The following GATAD2B variants were observed in gnomAD, a reference collection of about 807,000 sequenced individuals.
The protein encoded by GATAD2B is GATA zinc finger domain containing 2B.
In GATAD2B, 8 loss-of-function variants were observed where a neutral mutation model predicts 64.3. The observed-to-expected ratio is 0.12, with a 90% CI of 0.07 to 0.22. The LOEUF (loss-of-function observed/expected upper bound fraction) is 0.22, where lower values mean the gene tolerates loss of function less well. Among genes scored for constraint, GATAD2B ranks in the 10% least tolerant of loss-of-function variants. The pLI is 1.00. For missense variants in GATAD2B, 453 were observed against 752.0 expected (o/e 0.60, Z 4.65); for synonymous variants, 281 against 271.3 (o/e 1.04, Z -0.35).
At chr1:153,909,469 G>C (rs1571007119) in intron 1 of GATAD2B, among the ~76,000 whole-genome samples, 1 of 151,502 alleles carries the variant, frequency 6.6e-6, no homozygotes, top group African/African-American at 2.4e-5. Flanking sequence ...TAAAGTGCTG[G>C]GATTACAGGC....
chr1:153,918,365 CCT>C (rs1678334174), intron 1 of GATAD2B, among the ~76,000 whole-genome samples: 1 of 152,166 alleles, frequency 6.6e-6, no homozygotes, highest in African/African-American at 2.4e-5. Context: ...TAGTTCATCC[CCT>C]CTCTTTCAGC....
rs1169902236 is a variant in GATAD2B at position 153,829,961 on chromosome 1, T to C, written c.-1-1613A>G. On this transcript the variant is annotated intron_variant, in intron 1 of 10. Coordinates refer to ENST00000368655, the MANE Select transcript of GATAD2B (RefSeq NM_020699.4). ...CTAAAAATACTAAAATTAGGCATGG[T>C]GGAGCTTTCATGTAGTCCCAGCTAC... Among the ~76,000 whole-genome samples the C allele has an allele frequency of 2.6e-5, 4 of 151,782 alleles. No homozygotes were observed. The East Asian group carries it at 7.8e-4, about 30-fold the overall frequency.
intron 1 of GATAD2B, chr1:153,852,077 T>C (rs1479626876): frequency 7.3e-6 from 4 of 551,650 alleles, no homozygotes; most frequent in Non-Finnish European, 1.3e-5. Context: ...GGCCGCATCA[T>C]TCACTGGTGA....
At chr1:153,892,073 G>A (rs771772037) in intron 1 of GATAD2B, among the ~76,000 whole-genome samples, 4 of 149,246 alleles carry the variant, frequency 2.7e-5, no homozygotes, top group Non-Finnish European at 5.9e-5. Flanking sequence ...GCTGAGGCAG[G>A]AGAATTGCTT....
chr1:153,865,486 C>A (rs767348304), intron 1 of GATAD2B, among the ~76,000 whole-genome samples: 1 of 151,986 alleles, frequency 6.6e-6, no homozygotes. Context: ...AAAAAAAAAT[C>A]TACATCTAAT....
At chr1:153,898,005 A>AC (rs1677651696) in intron 1 of GATAD2B, among the ~76,000 whole-genome samples, 1 of 70,568 alleles carries the variant, frequency 1.4e-5, no homozygotes, top group Non-Finnish European at 3.2e-5. Context: ...AAAAAAAAAC[A>AC]AAAAAAAAAA....
intron 1 of GATAD2B, among the ~76,000 whole-genome samples, chr1:153,848,993 TG>T (rs1387326109): frequency 7.1e-6 from 1 of 141,202 alleles, no homozygotes; most frequent in Non-Finnish European, 1.6e-5. Flanking sequence ...TCCCCCAGAC[TG>T]GGTAATTTAT....
chr1:153,856,051 T>C (rs993025204), intron 1 of GATAD2B, among the ~76,000 whole-genome samples: 2 of 152,136 alleles, frequency 1.3e-5, no homozygotes, highest in Non-Finnish European at 2.9e-5. Context: ...CTACAGACAA[T>C]CTACTCTGCT....
Position 153,909,176 on chromosome 1 carries a change from G to A in GATAD2B, c.-2+13557C>T, listed in dbSNP as rs368258731. On this transcript the variant is annotated intron_variant, in intron 1 of 10. Coordinates refer to ENST00000368655, the MANE Select transcript of GATAD2B (RefSeq NM_020699.4). ...GCCATGATCACACAACTGCATTCCAGCCTGGGCAAGAGAGCAAAATCTTGT... is the reference window on the plus strand; with the variant it reads ...GCCATGATCACACAACTGCATTCCAACCTGGGCAAGAGAGCAAAATCTTGT... Among the ~76,000 whole-genome samples, 30 of 152,180 alleles carry A rather than the reference G, an allele frequency of 2.0e-4. No individual in the cohort carries two copies. In the East Asian group the frequency reaches 5.1e-3, roughly 26 times the overall value.
At chr1:153,838,493 C>T (rs537058613) in intron 1 of GATAD2B, among the ~76,000 whole-genome samples, 26 of 151,854 alleles carry the variant, frequency 1.7e-4, no homozygotes, top group Non-Finnish European at 3.2e-4. Flanking sequence ...TGCAAAGAGA[C>T]GCGCCCTGCC....
chr1:153,897,172 G>A (rs2101956173), intron 1 of GATAD2B, among the ~76,000 whole-genome samples: 1 of 151,858 alleles, frequency 6.6e-6, no homozygotes, highest in East Asian at 1.9e-4. Context: ...TGGGATTACA[G>A]GTGCCCGCCA....
intron 1 of GATAD2B, among the ~76,000 whole-genome samples, chr1:153,903,135 G>A (rs1428286409): frequency 6.6e-6 from 1 of 151,830 alleles, no homozygotes; most frequent in Non-Finnish European, 1.5e-5. Context: ...GGAGAATGGA[G>A]TGAAACCAGG....
intron 2 of GATAD2B, among the ~76,000 whole-genome samples, chr1:153,824,675 TG>T (rs1346098404): frequency 6.7e-6 from 1 of 148,348 alleles, no homozygotes. Context: ...TAACATATAC[TG>T]TATCTATCTG....
intron 1 of GATAD2B, among the ~76,000 whole-genome samples, chr1:153,831,159 A>G (rs570314106): frequency 1.3e-5 from 2 of 152,336 alleles, no homozygotes; most frequent in African/African-American, 4.8e-5. Context: ...AGCCATAAAA[A>G]AAGAATGAGT....
chr1:153,813,202 G>GA (rs1447273027), intron 8 of GATAD2B, 48 bp downstream of exon 8: 2 of 1,526,916 alleles, frequency 1.3e-6, no homozygotes, highest in South Asian at 1.1e-5. Context: ...CGACCCTTTG[G>GA]AAAAAACAAA....
chr1:153,859,617 C>A (rs1676206387), intron 1 of GATAD2B, among the ~76,000 whole-genome samples: 1 of 150,184 alleles, frequency 6.7e-6, no homozygotes, highest in Non-Finnish European at 1.5e-5. Context: ...CTGCAGTGAG[C>A]TGAGACTGCA....
intron 1 of GATAD2B, among the ~76,000 whole-genome samples, chr1:153,913,548 C>T (rs1449237327): frequency 6.6e-6 from 1 of 152,160 alleles, no homozygotes; most frequent in Non-Finnish European, 1.5e-5. Context: ...GAAGGCTAAG[C>T]TGGTTGAACT....
rs189831346 is a variant in GATAD2B at position 153,840,982 on chromosome 1, G to A, written c.-1-12634C>T. Among the ~76,000 whole-genome samples the A allele has an allele frequency of 1.5e-3, 230 of 152,012 alleles. 1 individual carries two copies. Among genetic ancestry groups the A allele is most frequent in the Admixed American group, 4.7e-3 (71 of 15,266 alleles). ...CTACTAAAAATAGAAAAAGTTAGCC[G>A]GGCGTGGTGGCATGTGCCTGTAGTC... On this transcript the variant is annotated intron_variant, in intron 1 of 10. Transcript: ENST00000368655.
At chr1:153,877,955 G>C (rs994786634) in intron 1 of GATAD2B, among the ~76,000 whole-genome samples, 1 of 150,918 alleles carries the variant, frequency 6.6e-6, no homozygotes, top group African/African-American at 2.4e-5. Context: ...AACAATGAAT[G>C]AATCTTTACC....
Sources: allele counts gnomAD v4.1 joint callset (sites outside exome capture counted in the v4.1 genomes callset), GRCh38; gene constraint gnomAD v4.1.1; transcripts MANE v1.5; gene names NCBI Gene and HGNC (gene_info 2026-07-23, HGNC 2026-07-21).